KANSL1L: variants seen among roughly 807,000 people sequenced by gnomAD.
KANSL1L encodes KAT8 regulatory NSL complex subunit 1 like.
A neutral mutation model predicts 108.6 loss-of-function variants in KANSL1L; 25 were observed. The observed-to-expected ratio is 0.23, with a 90% CI of 0.17 to 0.32. The LOEUF (loss-of-function observed/expected upper bound fraction) is 0.32, where lower values mean the gene tolerates loss of function less well. KANSL1L is among the 10% of genes least tolerant of loss of function. The pLI, the probability that KANSL1L is intolerant of heterozygous loss-of-function variation, is 1.00. For missense variants in KANSL1L, 1,137 were observed against 1,125.7 expected, an observed-to-expected ratio of 1.01 and a Z score of -0.14; for synonymous variants, 405 against 395.1, an observed-to-expected ratio of 1.03 and a Z score of -0.30.
Position 210,022,875 on chromosome 2 carries a change from TG to T in KANSL1L, c.*73del, listed in dbSNP as rs2093879536. The T allele has an allele frequency of 2.1e-6, 2 of 967,932 alleles. No individual in the cohort carries two copies. The highest frequency in any genetic ancestry group is 1.6e-6 in the Non-Finnish European group (1 of 614,300). The allele number at this position is 967,932 out of a possible 1,614,324, so 60.0% of individuals were successfully genotyped here. ...GAACATGCTCTTATTCTGGAGGGGA[TG>T]GGGGATCCAGAACAGGGCTTTATTT... On this transcript the variant is annotated 3_prime_UTR_variant, in exon 15 of 15. Coordinates refer to ENST00000281772, the MANE Select transcript of KANSL1L (RefSeq NM_152519.4).
intron 3 of KANSL1L, among the ~76,000 whole-genome samples, chr2:210,116,289 A>G (rs1196971942): frequency 6.6e-6 from 1 of 152,194 alleles, no homozygotes; most frequent in Non-Finnish European, 1.5e-5. Flanking sequence ...TGGAGTCCCA[A>G]GATGGCATCT....
rs770637962 is a variant in KANSL1L at position 210,154,141 on chromosome 2, C to T, written c.442G>A (p.Asp148Asn). 6.2e-7 allele frequency: 1 copy of T among 1,614,056 alleles called. No individual in the cohort carries two copies. Among genetic ancestry groups the T allele is most frequent in the Non-Finnish European group, 8.5e-7 (1 of 1,179,968 alleles). The change falls in exon 2 of 15, where the codon GAT (aspartate) becomes AAT (asparagine). Residue 148 changes from aspartate (D) to asparagine (N), a missense_variant. Transcript: ENST00000281772. The part of the protein sequence containing the change: ...LSDTTSQCMK[D>N]VQIILDSNIT... ...TTTGAATCCAGAATAATTTGTACAT[C>T]TTTCATGCACTGGCTCGTGGTATCT...
intron 6 of KANSL1L, among the ~76,000 whole-genome samples, chr2:210,045,959 AAAT>A (rs1442379860): frequency 6.6e-6 from 1 of 152,138 alleles, no homozygotes; most frequent in Non-Finnish European, 1.5e-5. Context: ...TAGACTAGGT[AAAT>A]AATAGAAATT....
rs1177730796 is a variant in KANSL1L, at chr2:210,171,383, CG to C, written c.-265del. The C allele has an allele frequency of 1.2e-5, 2 of 170,428 alleles. No individual in the cohort carries two copies. The highest frequency in any genetic ancestry group is 1.6e-4 in the East Asian group (1 of 6,192). 10.6% of individuals were successfully genotyped at this position (170,428 alleles called of 1,614,324 possible). On this transcript the variant is annotated 5_prime_UTR_variant, in exon 1 of 15. Coordinates refer to ENST00000281772, the MANE Select transcript of KANSL1L (RefSeq NM_152519.4). The stretch of plus-strand genomic sequence containing the variant: ...CCGCTGCCCGCAGCTCCGTGCGGCT[CG>C]GGGGGACGGAACCCTGCCGCGGTCT...
At chr2:210,145,905 G>A (rs551926153) in intron 2 of KANSL1L, among the ~76,000 whole-genome samples, 1 of 152,090 alleles carries the variant, frequency 6.6e-6, no homozygotes, top group Non-Finnish European at 1.5e-5. Flanking sequence ...GGACATGTAT[G>A]GGGCAGTGGA....
chr2:210,121,470 G>A (rs1226824569), intron 3 of KANSL1L, among the ~76,000 whole-genome samples: 1 of 152,092 alleles, frequency 6.6e-6, no homozygotes, highest in Non-Finnish European at 1.5e-5. Context: ...ACATAGAGGG[G>A]AATAACACAC....
chr2:210,093,251 T>C (rs556624431), intron 5 of KANSL1L, among the ~76,000 whole-genome samples: 3 of 152,276 alleles, frequency 2.0e-5, no homozygotes, highest in African/African-American at 7.2e-5. Flanking sequence ...ATTCAGGAGA[T>C]TCTCGTGCCT....
chr2:210,022,989 G>T lies in KANSL1L; in HGVS notation c.2924C>A (p.Thr975Asn), dbSNP rs746610175. The T allele has an allele frequency of 8.7e-6, 14 of 1,613,588 alleles. No individual in the cohort carries two copies. Among genetic ancestry groups the T allele is most frequent in the Admixed American group, 1.7e-5 (1 of 59,974 alleles). ...KQSDGMEEYK[T>N]FGLGLTNVKK... ...AACATTAGTAAGTCCTAGACCAAAG[G>T]TTTTGTATTCTTCCATTCCATCTGA... Residue 975 changes from threonine (T) to asparagine (N), a missense_variant, in exon 15 of 15, where the codon ACC (threonine) becomes AAC (asparagine). Physicochemically the swap from Thr to Asn is moderately conservative, Grantham distance 65. Transcript: ENST00000281772.
At position 210,044,059 on chromosome 2, in the gene KANSL1L, G is replaced by A; in HGVS notation, c.1801C>T (p.Pro601Ser). 1 of 1,608,512 alleles carries A rather than the reference G, an allele frequency of 6.2e-7. No homozygotes were observed. The highest frequency in any genetic ancestry group is 1.1e-5 in the South Asian group (1 of 90,238). The change falls in exon 7 of 15, where the codon CCT becomes TCT. Residue 601 changes from proline (P) to serine (S), a missense_variant. By Grantham distance (74) the Pro-to-Ser change is moderately conservative. Coordinates refer to ENST00000281772, the MANE Select transcript of KANSL1L (RefSeq NM_152519.4). The surrounding 1 kb of genome is among the most constrained non-coding windows in gnomAD (Gnocchi z 4.2). ...CAAGTTGAAGCTGATTGCAGGCAAG[G>A]CATTTGTGTAGTGTTTAAAAATGCT... ...ETAFLNTTQM[P>S]CLQSASTWSS...
At chr2:210,048,467 G>A (rs1356771752) in intron 6 of KANSL1L, among the ~76,000 whole-genome samples, 1 of 151,394 alleles carries the variant, frequency 6.6e-6, no homozygotes, top group East Asian at 1.9e-4. Context: ...ATTTTCTGAT[G>A]TATTTTCCTT....
chr2:210,144,954 T>C (rs536232459), intron 2 of KANSL1L, among the ~76,000 whole-genome samples: 1 of 152,340 alleles, frequency 6.6e-6, no homozygotes, highest in East Asian at 1.9e-4. Flanking sequence ...TGACTTCATA[T>C]ACTGGTTTCA....
chr2:210,094,741 G>C (rs2094721088), intron 5 of KANSL1L, among the ~76,000 whole-genome samples: 1 of 151,794 alleles, frequency 6.6e-6, no homozygotes. Context: ...TTCAATTAGA[G>C]AATATTTTAA....
intron 2 of KANSL1L, among the ~76,000 whole-genome samples, chr2:210,136,370 A>G (rs543994858): frequency 4.6e-5 from 7 of 152,316 alleles, no homozygotes; most frequent in African/African-American, 1.7e-4. Context: ...CTTGTATGGA[A>G]AGAATTTTCA....
chr2:210,049,785 C>G (rs2094269107), intron 6 of KANSL1L, among the ~76,000 whole-genome samples: 1 of 152,142 alleles, frequency 6.6e-6, no homozygotes, highest in Admixed American at 6.6e-5. Flanking sequence ...ATTGGAGTTG[C>G]TATTAAAAAA....
chr2:210,057,509 G>T (rs989980523), intron 6 of KANSL1L, among the ~76,000 whole-genome samples: 1 of 152,146 alleles, frequency 6.6e-6, no homozygotes, highest in Non-Finnish European at 1.5e-5. Context: ...AGACCATCCT[G>T]GGTAACATGG....
chr2:210,057,614 T>C (rs1440013814), intron 6 of KANSL1L, among the ~76,000 whole-genome samples: 1 of 152,076 alleles, frequency 6.6e-6, no homozygotes, highest in Non-Finnish European at 1.5e-5. Flanking sequence ...GGCAGGAAAA[T>C]GGCATGAACC....
chr2:210,098,233 C>T, intron 4 of KANSL1L, 26 bp from the exon 5 acceptor site: 1 of 1,600,944 alleles, frequency 6.2e-7, no homozygotes, highest in Non-Finnish European at 8.5e-7. Flanking sequence ...CAACCTTTTA[C>T]TACTGCTAAG....
chr2:210,100,028 C>G (rs530432017), intron 4 of KANSL1L, among the ~76,000 whole-genome samples: 1 of 152,204 alleles, frequency 6.6e-6, no homozygotes, highest in Non-Finnish European at 1.5e-5. Flanking sequence ...CCCCAACCCC[C>G]GGGCTGCTGA....
At chr2:210,035,073 A>G (rs1413388765) in intron 8 of KANSL1L, 1 of 152,188 alleles carries the variant, frequency 6.6e-6, no homozygotes, top group Non-Finnish European at 1.5e-5. Context: ...GTTCAGTACC[A>G]TTAGCTAATC....
Sources: gnomAD v4.1 joint callset for allele counts (sites outside exome capture counted in the v4.1 genomes callset) on GRCh38, gnomAD v4.1.1 for gene constraint, Gnocchi (gnomAD v3.1) non-coding constraint, MANE v1.5 for transcripts, NCBI Gene and HGNC (gene_info 2026-07-23, HGNC 2026-07-21) for gene names.